The following BBOF1 variants were observed in gnomAD, a reference collection of about 807,000 sequenced individuals.
The protein encoded by BBOF1 is basal body orientation factor 1.
In BBOF1, 62 loss-of-function variants were observed where a neutral mutation model predicts 68.0. The observed-to-expected ratio is 0.91, with a 90% CI of 0.74 to 1.13. BBOF1 has a LOEUF of 1.13. Ranked by LOEUF, BBOF1 falls within the 50% of genes most tolerant of loss-of-function variation. BBOF1 has a pLI of 0.00. For synonymous variants in BBOF1, 208 were observed against 198.8 expected (o/e 1.05, Z -0.39); for missense variants, 534 against 600.1 (o/e 0.89, Z 1.15).
chr14:74,029,122 A>T, intron 2 of BBOF1, 62 bp from the exon 3 acceptor site: 2 of 1,006,754 alleles, frequency 2.0e-6, no homozygotes, highest in Non-Finnish European at 3.0e-6. Flanking sequence ...TAGTCTACTT[A>T]ATAAAGGTAG....
At chr14:74,019,612 C>A in intron 1 of BBOF1, 78 bp downstream of exon 1, 1 of 1,537,690 alleles carries the variant, frequency 6.5e-7, no homozygotes, top group South Asian at 1.2e-5. Flanking sequence ...AACCTGGCGC[C>A]CCCCGCGCCG....
intron 2 of BBOF1, 83 bp from the exon 3 acceptor site, chr14:74,029,101 T>C: frequency 1.2e-6 from 1 of 819,186 alleles, no homozygotes; most frequent in Non-Finnish European, 2.0e-6. Flanking sequence ...GGTTTTAGTA[T>C]TGTGTGAAAC....
intron 4 of BBOF1, among the ~76,000 whole-genome samples, chr14:74,039,726 C>T (rs909015893): frequency 2.6e-5 from 4 of 152,138 alleles, no homozygotes; most frequent in African/African-American, 9.7e-5. Context: ...GCATGAGCCA[C>T]TGTACCCAAC....
intron 9 of BBOF1, chr14:74,071,333 T>C (rs752923793): frequency 6.2e-7 from 1 of 1,614,132 alleles, no homozygotes. Context: ...ACCATGGCCA[T>C]GGGAAACATC....
intron 2 of BBOF1, among the ~76,000 whole-genome samples, chr14:74,027,160 C>T (rs1363096388): frequency 2.2e-5 from 3 of 134,850 alleles, no homozygotes; most frequent in Non-Finnish European, 4.6e-5. Flanking sequence ...GATCTTGGCT[C>T]ACTGCAACCT....
In BBOF1 at chr14:74,072,614, G is replaced by GAAAA. The variant is rs771261871; in HGVS notation, n.1380-5578_1380-5575dup. On this transcript the variant is annotated intron_variant and non_coding_transcript_variant, in intron 9 of 12. Transcript: ENST00000492026. ...CCAATGAAGAGCTTTACAGTTGGCT[G>GAAAA]AAAAAAACAAACAAACAAACAAACA... is the stretch of plus-strand genomic sequence containing the variant. The GAAAA allele has an allele frequency of 8.9e-5, 140 of 1,581,190 alleles. No individual in the cohort carries two copies. Among genetic ancestry groups the GAAAA allele is most frequent in the Non-Finnish European group, 8.4e-5 (97 of 1,157,116 alleles).
intron 11 of BBOF1, chr14:74,059,139 G>A: frequency 3.0e-5 from 5 of 165,216 alleles, no homozygotes; most frequent in South Asian, 2.2e-4. Flanking sequence ...GGCAGAAGAA[G>A]ACTGTCAAAG....
chr14:74,070,813 AG>A (rs1595124251), downstream of BBOF1: 3 of 227,968 alleles, frequency 1.3e-5, no homozygotes, highest in East Asian at 3.6e-4. Context: ...GAAACACAGA[AG>A]CACTATTTAA....
At chr14:74,023,408 CTTTAT>C (rs1237490962) in intron 2 of BBOF1, among the ~76,000 whole-genome samples, 5 of 152,044 alleles carry the variant, frequency 3.3e-5, no homozygotes, top group African/African-American at 1.2e-4. Context: ...TTATGATCTA[CTTTAT>C]TTTAAGGATA....
intron 3 of BBOF1, among the ~76,000 whole-genome samples, chr14:74,031,153 G>C (rs1343588168): frequency 1.4e-5 from 2 of 145,434 alleles, no homozygotes; most frequent in Non-Finnish European, 3.0e-5. Context: ...TCCCTCTGTT[G>C]CCCAAGCTGG....
At chr14:74,066,737 A>G (rs745706362), downstream of BBOF1, 14 of 1,614,124 alleles carry the variant, frequency 8.7e-6, no homozygotes, top group South Asian at 1.4e-4. Context: ...GGTCCAACAA[A>G]GTTGCCATTT....
intron 9 of BBOF1, chr14:74,072,650 T>C: frequency 1.3e-6 from 2 of 1,599,180 alleles, no homozygotes; most frequent in Non-Finnish European, 1.7e-6. Context: ...AACAAAAACA[T>C]GAAACTTTGT....
At chr14:74,020,644 C>G (rs1422178242) in intron 1 of BBOF1, among the ~76,000 whole-genome samples, 1 of 152,146 alleles carries the variant, frequency 6.6e-6, no homozygotes, top group African/African-American at 2.4e-5. Flanking sequence ...GCTGTGATTA[C>G]AGGCACCCGT....
downstream of BBOF1, chr14:74,067,693 T>A: frequency 9.7e-7 from 1 of 1,027,328 alleles, no homozygotes; most frequent in Non-Finnish European, 1.5e-6. Flanking sequence ...AAGGCTGAGG[T>A]GAGAAGGATA....
intron 6 of BBOF1, 124 bp downstream of exon 6, chr14:74,046,254 C>A: frequency 1.4e-6 from 1 of 718,346 alleles, no homozygotes; most frequent in South Asian, 2.2e-5. Flanking sequence ...ATTTTCTGGT[C>A]TACTGTCCCT....
In BBOF1 at chr14:74,064,842, T is replaced by C. The variant is rs142529714; in HGVS notation, c.*143T>C. 5 of 1,613,928 alleles carry C rather than the reference T, an allele frequency of 3.1e-6. No individual in the cohort carries two copies. The African/African-American group carries it at 5.3e-5, about 17-fold the overall frequency. ...GTTACCTGTTTGCCATAGAAATTGG[T>C]GTCTCCCCTGAAGGAGGATCGAGAG... On this transcript the variant is annotated 3_prime_UTR_variant, in exon 12 of 12. Transcript: ENST00000394009.
chr14:74,069,127 C>T (rs191682696), downstream of BBOF1: 692 of 672,914 alleles, frequency 1.0e-3, 4 homozygotes, highest in African/African-American at 0.017. Context: ...TTTTTTGAGA[C>T]GGAGTCTCGC....
chr14:74,022,523 G>A (rs148519695), intron 1 of BBOF1, among the ~76,000 whole-genome samples: 343 of 152,204 alleles, frequency 2.3e-3, no homozygotes, highest in East Asian at 5.4e-3. Context: ...ACTCCAGCCC[G>A]GTGACACAGC....
downstream of BBOF1, chr14:74,068,801 T>C (rs2060508255): frequency 2.5e-6 from 4 of 1,596,494 alleles, no homozygotes; most frequent in Non-Finnish European, 3.4e-6. Flanking sequence ...TGAAGGTCTG[T>C]TCCTAGGTAA....
Sources: gnomAD v4.1 joint callset for allele counts (sites outside exome capture counted in the v4.1 genomes callset) on GRCh38, gnomAD v4.1.1 for gene constraint, MANE v1.5 for transcripts, NCBI Gene and HGNC (gene_info 2026-07-23, HGNC 2026-07-21) for gene names.